The following NEDD9 variants were observed in gnomAD, a reference collection of about 807,000 sequenced individuals.
NEDD9 encodes the protein neural precursor cell expressed, developmentally down-regulated 9.
A neutral mutation model predicts 76.6 loss-of-function variants in NEDD9; 26 were observed. That is an observed-to-expected ratio of 0.34 (90% confidence interval 0.25 to 0.47). The LOEUF (loss-of-function observed/expected upper bound fraction) is 0.47. Among genes scored for constraint, NEDD9 ranks in the 20% least tolerant of loss-of-function variants. NEDD9 has a pLI of 1.00. For synonymous variants in NEDD9, 392 were observed against 414.2 expected (o/e 0.95, Z 0.65); for missense variants, 937 against 1,058.5 (o/e 0.89, Z 1.59).
At chr6:11,344,281 G>A (rs952494307) in intron 1 of NEDD9, among the ~76,000 whole-genome samples, 1 of 152,158 alleles carries the variant, frequency 6.6e-6, no homozygotes, top group African/African-American at 2.4e-5. Context: ...AAATTCCAGA[G>A]AGTTAAAAAA....
At chr6:11,212,269 T>C (rs1237699381) in intron 2 of NEDD9, among the ~76,000 whole-genome samples, 1 of 152,196 alleles carries the variant, frequency 6.6e-6, no homozygotes, top group Non-Finnish European at 1.5e-5. Context: ...GTAGGACCCA[T>C]TGGAATTTGC....
At chr6:11,339,707 T>A (rs751903642) in intron 1 of NEDD9, among the ~76,000 whole-genome samples, 12 of 152,216 alleles carry the variant, frequency 7.9e-5, no homozygotes, top group Non-Finnish European at 1.6e-4. Context: ...TGCCTTCCTG[T>A]GACCTGTGGG....
intron 1 of NEDD9, among the ~76,000 whole-genome samples, chr6:11,227,051 T>C (rs1032178887): frequency 6.6e-6 from 1 of 152,232 alleles, no homozygotes; most frequent in Non-Finnish European, 1.5e-5. Context: ...TATTTGTGTA[T>C]ACATTTTGTC....
chr6:11,265,789 C>A (rs1428412582), intron 3 of NEDD9, among the ~76,000 whole-genome samples: 2 of 152,068 alleles, frequency 1.3e-5, no homozygotes, highest in Non-Finnish European at 2.9e-5. Context: ...ACTTAAGTGT[C>A]TATCAATGGA....
chr6:11,246,476 G>A (rs1186057849), intron 3 of NEDD9, among the ~76,000 whole-genome samples: 3 of 152,094 alleles, frequency 2.0e-5, no homozygotes, highest in Non-Finnish European at 2.9e-5. Context: ...AGGGCAGTAC[G>A]GCCACTGTCC....
chr6:11,236,092 AG>A (rs1405492359), upstream of NEDD9, among the ~76,000 whole-genome samples: 1 of 152,230 alleles, frequency 6.6e-6, no homozygotes, highest in Non-Finnish European at 1.5e-5. This position sits in a 1 kb window ranked among gnomAD's most constrained non-coding sequence, Gnocchi z 5.5. Context: ...AAATTGTCTC[AG>A]TGAATACAGA....
Position 11,241,777 on chromosome 6 carries a change from G to A in NEDD9, c.13-28050C>T, listed in dbSNP as rs1457034195. On this transcript the variant is annotated intron_variant, in intron 3 of 3. Coordinates refer to the NEDD9 transcript ENST00000397378. The surrounding 1 kb of genome is among the most constrained non-coding windows in gnomAD (Gnocchi z 4.0). ...AGCCCTCCAAGAAGGCCTCCCTCCC[G>A]TGCCCCGCTGCCCTCATCAGCTGAG... 1.3e-5 allele frequency among the ~76,000 whole-genome samples: 2 copies of A among 152,118 alleles called. No homozygotes were observed. Among genetic ancestry groups the A allele is most frequent in the Admixed American group, 6.5e-5 (1 of 15,280 alleles).
chr6:11,189,610 G>A (rs1377841142), intron 5 of NEDD9, among the ~76,000 whole-genome samples: 4 of 152,094 alleles, frequency 2.6e-5, no homozygotes, highest in Admixed American at 6.5e-5. Flanking sequence ...ATTATTATTA[G>A]AGGGCCTATT....
At chr6:11,299,489 T>C (rs1329949412) in intron 3 of NEDD9, among the ~76,000 whole-genome samples, 1 of 152,216 alleles carries the variant, frequency 6.6e-6, no homozygotes, top group Non-Finnish European at 1.5e-5. Flanking sequence ...CTGACAACTC[T>C]GAAGAGAGCA....
intron 1 of NEDD9, among the ~76,000 whole-genome samples, chr6:11,350,889 C>T (rs1324908742): frequency 6.6e-6 from 1 of 152,184 alleles, no homozygotes; most frequent in East Asian, 1.9e-4. Flanking sequence ...AGAAAGGCGT[C>T]TTGACAGAGG....
At chr6:11,357,111 T>C (rs1431059799) in intron 1 of NEDD9, among the ~76,000 whole-genome samples, 2 of 152,162 alleles carry the variant, frequency 1.3e-5, no homozygotes, top group Non-Finnish European at 2.9e-5. Flanking sequence ...CAGATTTCCT[T>C]TTCACCCACC....
At position 11,190,307 on chromosome 6, in the gene NEDD9, G is replaced by A. The variant is rs1238891746; in HGVS notation, c.1562C>T (p.Pro521Leu). 8 of 1,614,066 alleles carry A rather than the reference G, an allele frequency of 5.0e-6. No individual in the cohort carries two copies. The highest frequency in any genetic ancestry group is 4.4e-5 in the South Asian group (4 of 91,082). The change falls in exon 5 of 7, where the codon CCC becomes CTC. Residue 521 changes from proline (P) to leucine (L), a missense_variant. Transcript: ENST00000379446. The surrounding 1 kb of genome is among the most constrained non-coding windows in gnomAD (Gnocchi z 5.8). ...WSLNILAINK[P>L]QNKCDDLDRF... Reference sequence around the variant, plus strand: ...GTCCAGATCGTCACACTTGTTCTGGGGCTTGTTGATGGCCAAGATATTCAG... The same window carrying A: ...GTCCAGATCGTCACACTTGTTCTGGAGCTTGTTGATGGCCAAGATATTCAG...
At chr6:11,341,792 C>T (rs2113522064) in intron 1 of NEDD9, among the ~76,000 whole-genome samples, 1 of 152,116 alleles carries the variant, frequency 6.6e-6, no homozygotes, top group African/African-American at 2.4e-5. Flanking sequence ...ACATAAAAAC[C>T]AACAAAAACC....
intron 1 of NEDD9, among the ~76,000 whole-genome samples, chr6:11,345,455 T>TGA (rs539473241): frequency 2.0e-3 from 303 of 150,908 alleles, no homozygotes; most frequent in Admixed American, 4.0e-3. Context: ...AGACAGCAGG[T>TGA]GAGAGAGAGA....
At chr6:11,310,214 G>A in intron 2 of NEDD9, among the ~76,000 whole-genome samples, 1 of 152,204 alleles carries the variant, frequency 6.6e-6, no homozygotes, top group East Asian at 1.9e-4. Flanking sequence ...GGCAGCATCT[G>A]TTCCTCCAGG....
At chr6:11,310,083 G>A (rs1241961049) in intron 2 of NEDD9, among the ~76,000 whole-genome samples, 2 of 152,158 alleles carry the variant, frequency 1.3e-5, no homozygotes, top group Non-Finnish European at 2.9e-5. Flanking sequence ...TGCTCTGAGC[G>A]TTGTGGCAGC....
chr6:11,346,921 C>T (rs935539817), intron 1 of NEDD9, among the ~76,000 whole-genome samples: 1 of 152,124 alleles, frequency 6.6e-6, no homozygotes, highest in Non-Finnish European at 1.5e-5. Context: ...GAAAGGTCAG[C>T]CAGCTTCTCC....
intron 2 of NEDD9, among the ~76,000 whole-genome samples, chr6:11,210,442 A>T (rs573688532): frequency 6.6e-6 from 1 of 152,196 alleles, no homozygotes; most frequent in African/African-American, 2.4e-5. Context: ...TATCTTACAG[A>T]TGAAAAATTT....
rs376552607 is a variant in NEDD9 at position 11,229,004 on chromosome 6, A to G, written c.12+3500T>C. 9.2e-5 allele frequency among the ~76,000 whole-genome samples: 14 copies of G among 152,374 alleles called. 1 individual carries two copies. The highest frequency in any genetic ancestry group is 3.4e-4 in the African/African-American group (14 of 41,600). On this transcript the variant is annotated intron_variant, in intron 1 of 6. Transcript: ENST00000379446. The stretch of plus-strand genomic sequence containing the variant: ...TAATTGGGAATTTAATAGCTTATGC[A>G]TGACCATATTGACTAAATTAAAGAT...
Sources: allele counts gnomAD v4.1 joint callset (sites outside exome capture counted in the v4.1 genomes callset), GRCh38; gene constraint gnomAD v4.1.1; non-coding constraint Gnocchi (gnomAD v3.1); transcripts MANE v1.5; gene names NCBI Gene and HGNC (gene_info 2026-07-23, HGNC 2026-07-21).